Variants in ZNF66 observed in about 807,000 individuals in gnomAD.
ZNF66 encodes putative zinc finger protein 66.
Under a neutral mutation model 35.2 loss-of-function variants are expected in ZNF66, and 32 were observed. The observed-to-expected ratio is 0.91, with a 90% CI of 0.69 to 1.22. The LOEUF (loss-of-function observed/expected upper bound fraction) is 1.22, where lower values mean the gene tolerates loss of function less well. Ranked by LOEUF, ZNF66 falls within the 50% of genes most tolerant of loss-of-function variation. The probability of loss-of-function intolerance (pLI) is 0.00; values close to 1 mark genes in which losing one functional copy is unlikely to be tolerated. For missense variants in ZNF66, 666 were observed against 543.1 expected (o/e 1.23, Z -2.25); for synonymous variants, 231 against 181.3 (o/e 1.27, Z -2.20).
Position 20,776,313 on chromosome 19 carries a change from T to A in ZNF66, c.-135T>A, listed in dbSNP as rs8106412. On this transcript the variant is annotated 5_prime_UTR_variant, in exon 1 of 4. Coordinates refer to ENST00000344519, the MANE Select transcript of ZNF66 (RefSeq NM_001355197.2). ...ATTTGGCGGGGTCTTTGTCTCTCCC[T>A]GCAGCTGGAGCTCCAGGTCGTCTGT... 7 of 1,394,610 alleles carry A rather than the reference T, an allele frequency of 5.0e-6. No homozygotes were observed. In the East Asian group the frequency reaches 1.4e-4, roughly 28 times the overall value. The allele number at this position is 1,394,610 out of a possible 1,614,324, so 86.4% of individuals were successfully genotyped here.
Position 20,807,463 on chromosome 19 carries a change from T to C in ZNF66, c.*141T>C, listed in dbSNP as rs1395633609. On this transcript the variant is annotated 3_prime_UTR_variant, in exon 4 of 4. Coordinates refer to ENST00000344519, the MANE Select transcript of ZNF66 (RefSeq NM_001355197.2). ...TTATGGAACACAAACACTACAAATA[T>C]AAAGAATGTGACAAAGCTTTTAGGA... 2 of 530,418 alleles carry C rather than the reference T, an allele frequency of 3.8e-6. No homozygotes were observed. The highest frequency in any genetic ancestry group is 3.0e-5 in the East Asian group (1 of 33,692). The allele number at this position is 530,418 out of a possible 1,614,324, so 32.9% of individuals were successfully genotyped here. A position where few individuals can be genotyped will look rare whatever the true frequency, so the allele number is the denominator to read the frequency against.
chr19:20,796,940 T>A (rs1971397603), intron 3 of ZNF66, among the ~76,000 whole-genome samples: 2 of 152,120 alleles, frequency 1.3e-5, no homozygotes, highest in Admixed American at 6.5e-5. Context: ...AACTTCCACC[T>A]TCCAGGTTCA....
rs1401858454 is a variant in ZNF66, at chr19:20,776,344, GCTCT to G, written c.-101_-98del. On this transcript the variant is annotated 5_prime_UTR_variant, in exon 1 of 4. Transcript: ENST00000344519. Reference sequence around the variant, plus strand: ...TGGAGCTCCAGGTCGTCTGTTCACTGCTCTCTGTCTTCTTCTCCTAGAGGCCCAG... The same window carrying G: ...TGGAGCTCCAGGTCGTCTGTTCACTGCTGTCTTCTTCTCCTAGAGGCCCAG... The G allele has an allele frequency of 4.1e-6, 6 of 1,479,730 alleles. No individual in the cohort carries two copies. The South Asian group carries it at 4.5e-5, about 11-fold the overall frequency. The allele number at this position is 1,479,730 out of a possible 1,614,324, so 91.7% of individuals were successfully genotyped here.
chr19:20,781,134 T>TAA (rs1971241816), intron 1 of ZNF66, among the ~76,000 whole-genome samples: 1 of 152,190 alleles, frequency 6.6e-6, no homozygotes, highest in Non-Finnish European at 1.5e-5. Context: ...CTGCACACAG[T>TAA]AATAAATCAG....
Position 20,791,258 on chromosome 19 carries a change from G to A in ZNF66, c.4-1254G>A, listed in dbSNP as rs552961373. On this transcript the variant is annotated intron_variant, in intron 1 of 3. Transcript: ENST00000344519. ...CCAGCACTTTGGGAGGTCAAGGCAG[G>A]CAGATCGCCTGAAGTCAGGAATTCG... Among the ~76,000 whole-genome samples, 17 of 152,244 alleles carry A rather than the reference G, an allele frequency of 1.1e-4. No homozygotes were observed. The South Asian group carries it at 3.1e-3, about 28-fold the overall frequency.
chr19:20,784,938 C>T (rs1351093136), intron 1 of ZNF66: 1 of 153,208 alleles, frequency 6.5e-6, no homozygotes, highest in East Asian at 1.9e-4. Context: ...TTTCAGAAGC[C>T]TTACTAGTAT....
In ZNF66 at chr19:20,808,247, C is replaced by G. The variant is rs1971545800; in HGVS notation, c.*925C>G. Among the ~76,000 whole-genome samples the G allele has an allele frequency of 6.6e-6, 1 of 152,232 alleles. No homozygotes were observed. Among genetic ancestry groups the G allele is most frequent in the Admixed American group, 6.5e-5 (1 of 15,284 alleles). On this transcript the variant is annotated 3_prime_UTR_variant, in exon 4 of 4. Transcript: ENST00000344519. The stretch of plus-strand genomic sequence containing the variant: ...GCCCACCACAGCTCAAGGAGGCCTG[C>G]CTGCCTCTGTAGGCTCCACCTCTGG...
Position 20,807,106 on chromosome 19 carries a change from T to C in ZNF66, c.1506T>C (p.Ile502=), listed in dbSNP as rs1568502145. The change falls in exon 4 of 4, where the codon ATT becomes ATC. Residue 502 remains isoleucine (I), a synonymous_variant. Coordinates refer to ENST00000344519, the MANE Select transcript of ZNF66 (RefSeq NM_001355197.2). ...CTATTCTTACTACACATAAGAGAAT[T>C]CATACTGCAGATAAACCCTACAAAT... The part of the protein sequence containing the change: ...CSSILTTHKR[I]HTADKPYKCE... The C allele has an allele frequency of 1.3e-6, 1 of 795,000 alleles. No individual in the cohort carries two copies. The highest frequency in any genetic ancestry group is 2.4e-5 in the East Asian group (1 of 40,818). 49.2% of individuals were successfully genotyped at this position (795,000 alleles called of 1,614,324 possible).
chr19:20,783,671 G>T (rs1342907798), intron 1 of ZNF66, among the ~76,000 whole-genome samples: 22 of 152,160 alleles, frequency 1.4e-4, no homozygotes, highest in Non-Finnish European at 2.1e-4. Context: ...ACAGAAACCT[G>T]ATTATCCAAG....
chr19:20,789,656 T>C (rs1971318408), intron 1 of ZNF66, among the ~76,000 whole-genome samples: 1 of 152,142 alleles, frequency 6.6e-6, no homozygotes, highest in African/African-American at 2.4e-5. Flanking sequence ...TATATTTAGC[T>C]TTTATTCCTT....
At chr19:20,803,541 G>A (rs1971471442) in intron 3 of ZNF66, among the ~76,000 whole-genome samples, 1 of 151,816 alleles carries the variant, frequency 6.6e-6, no homozygotes, top group African/African-American at 2.4e-5. Context: ...TTTTATGTTT[G>A]TATATTCATT....
At chr19:20,798,097 T>G (rs150247380) in intron 3 of ZNF66, among the ~76,000 whole-genome samples, 292 of 152,308 alleles carry the variant, frequency 1.9e-3, no homozygotes, top group African/African-American at 6.9e-3. Context: ...ATGGTAGTTT[T>G]ATCTTGTCTA....
At chr19:20,804,879 C>T (rs1971484654) in intron 3 of ZNF66, among the ~76,000 whole-genome samples, 1 of 152,122 alleles carries the variant, frequency 6.6e-6, no homozygotes, top group Admixed American at 6.6e-5. Flanking sequence ...ACTTGCTAGA[C>T]TTATTCCCTG....
rs558938764 is a variant in ZNF66 at position 20,809,128 on chromosome 19, T to C, written c.*1806T>C. ...ATGAAATGAAGTGAGAAGGGAAGTTTAGAGAAAAAAAATTAAAAAGAAACA... is the reference window on the plus strand; with the variant it reads ...ATGAAATGAAGTGAGAAGGGAAGTTCAGAGAAAAAAAATTAAAAAGAAACA... On this transcript the variant is annotated 3_prime_UTR_variant, in exon 4 of 4. Transcript: ENST00000344519. Among the ~76,000 whole-genome samples, 1 of 150,792 alleles carries C rather than the reference T, an allele frequency of 6.6e-6. No individual in the cohort carries two copies. Among genetic ancestry groups the C allele is most frequent in the Non-Finnish European group, 1.5e-5 (1 of 67,606 alleles).
intron 3 of ZNF66, among the ~76,000 whole-genome samples, chr19:20,805,563 CT>C (rs34028361): frequency 0.096 from 14,163 of 148,154 alleles, 674 homozygotes; most frequent in Middle Eastern, 0.12. Flanking sequence ...AAGTAACAGA[CT>C]TTTTTTTTTT....
In ZNF66 at chr19:20,781,812, A is replaced by T. The variant is rs189751567; in HGVS notation, c.3+5362A>T. 8.6e-5 allele frequency among the ~76,000 whole-genome samples: 13 copies of T among 152,020 alleles called. 1 individual carries two copies. The highest frequency in any genetic ancestry group is 6.6e-4 in the Admixed American group (10 of 15,264). On this transcript the variant is annotated intron_variant, in intron 1 of 3. Transcript: ENST00000344519. ...TGTGAGCACTGCGCCAGGCCTCTGCATTTGTTTTCTAAGAAAAATAGTGTC... is the reference window on the plus strand; with the variant it reads ...TGTGAGCACTGCGCCAGGCCTCTGCTTTTGTTTTCTAAGAAAAATAGTGTC...
chr19:20,802,892 A>G lies in ZNF66; in HGVS notation c.227-2935A>G, dbSNP rs1459367665. Among the ~76,000 whole-genome samples the G allele has an allele frequency of 2.6e-5, 4 of 152,304 alleles. No individual in the cohort carries two copies. The East Asian group carries it at 7.7e-4, about 29-fold the overall frequency. ...CACATGCAAATACATACATGTATAAACAAATTTGTCATAGATTCCCAGTGA... is the reference window on the plus strand; with the variant it reads ...CACATGCAAATACATACATGTATAAGCAAATTTGTCATAGATTCCCAGTGA... On this transcript the variant is annotated intron_variant, in intron 3 of 3. Coordinates refer to ENST00000344519, the MANE Select transcript of ZNF66 (RefSeq NM_001355197.2).
chr19:20,797,703 ACTGGCGTGTGCCACCATGC>A (rs956921367), intron 3 of ZNF66, among the ~76,000 whole-genome samples: 4 of 151,802 alleles, frequency 2.6e-5, no homozygotes, highest in Non-Finnish European at 5.9e-5. Flanking sequence ...AGCTGGGACT[ACTGGCGTGTGCCACCATGC>A]CTGGCTAATT....
chr19:20,796,636 CTGTTT>C (rs1971395205), intron 3 of ZNF66, among the ~76,000 whole-genome samples: 1 of 152,042 alleles, frequency 6.6e-6, no homozygotes, highest in Non-Finnish European at 1.5e-5. Context: ...TTGATTATAG[CTGTTT>C]TATTTTGTGT....
Sources: gnomAD v4.1 joint callset for allele counts (sites outside exome capture counted in the v4.1 genomes callset) on GRCh38, gnomAD v4.1.1 for gene constraint, MANE v1.5 for transcripts, NCBI Gene and HGNC (gene_info 2026-07-23, HGNC 2026-07-21) for gene names.